LRCH4: variants seen among roughly 807,000 people sequenced by gnomAD.
LRCH4 encodes leucine-rich repeat and calponin homology domain-containing protein 4.
In LRCH4, 56 loss-of-function variants were observed where a neutral mutation model predicts 81.2. That is an observed-to-expected ratio of 0.69 (90% CI 0.56 to 0.86). The LOEUF is 0.86. LRCH4 is among the 40% of genes least tolerant of loss of function. The pLI, the probability that LRCH4 is intolerant of heterozygous loss-of-function variation, is 0.00. For synonymous variants in LRCH4, 442 were observed against 409.7 expected (o/e 1.08, Z -0.95); for missense variants, 895 against 922.8 (o/e 0.97, Z 0.39).
Position 100,576,342 on chromosome 7 carries a change from C to G in LRCH4, c.1553-19G>C. Reference sequence around the variant, plus strand: ...GAAGGGCCTAGGAGAAAAAGGGGGGCATGGGGCTGCCTCCACTGCTCACCA... The same window carrying G: ...GAAGGGCCTAGGAGAAAAAGGGGGGGATGGGGCTGCCTCCACTGCTCACCA... On this transcript the variant is annotated intron_variant, in intron 14 of 17. Coordinates refer to ENST00000310300, the MANE Select transcript of LRCH4 (RefSeq NM_002319.5). 2 of 1,588,132 alleles carry G rather than the reference C, an allele frequency of 1.3e-6. No homozygotes were observed. Among genetic ancestry groups the G allele is most frequent in the Middle Eastern group, 1.7e-4 (1 of 5,998 alleles).
intron 4 of LRCH4, 158 bp downstream of exon 4, chr7:100,581,619 T>C: frequency 1.6e-6 from 1 of 632,900 alleles, no homozygotes; most frequent in South Asian, 2.0e-5. Context: ...AAGCTGACCA[T>C]GGAAGCACCC....
intron 4 of LRCH4, chr7:100,580,346 C>CAG (rs1801490322): frequency 6.6e-6 from 1 of 151,752 alleles, no homozygotes; most frequent in East Asian, 1.9e-4. Flanking sequence ...GAGATGGCCC[C>CAG]AGATCTTAGT....
intron 4 of LRCH4, among the ~76,000 whole-genome samples, chr7:100,581,191 T>G (rs917543553): frequency 1.3e-5 from 2 of 152,218 alleles, no homozygotes; most frequent in Admixed American, 1.3e-4. Context: ...TCCCCTTCTG[T>G]GCCTGTGTCC....
rs760466759 is a variant in LRCH4 at position 100,577,318 on chromosome 7, C to T, written c.1250G>A (p.Arg417Gln). The T allele has an allele frequency of 9.4e-6, 15 of 1,597,300 alleles. No individual in the cohort carries two copies. Among genetic ancestry groups the T allele is most frequent in the Admixed American group, 5.0e-5 (3 of 59,566 alleles). ...TLQLWQERER[R>Q]QQQQSGAWGA... ...CCACGCCCCGCTCTGCTGCTGCTGC[C>T]GCCGTTCCCGCTCCTGCCACAGCTG... Residue 417 changes from arginine (R) to glutamine (Q), a missense_variant, in exon 11 of 18, where the codon CGG becomes CAG. Arg to Gln is a conservative substitution (Grantham distance 43). Transcript: ENST00000310300. This position sits in a 1 kb window ranked among gnomAD's most constrained non-coding sequence, Gnocchi z 6.7.
In LRCH4 at chr7:100,577,947, C is replaced by T. The variant is rs781233666; in HGVS notation, c.949-35G>A. ...CAGAGGCAGAGATGGGAGATGGCCT[C>T]TCTGTACATGGGGGCTCAGGACCTG... On this transcript the variant is annotated intron_variant, in intron 7 of 17. Transcript: ENST00000310300. This position sits in a 1 kb window ranked among gnomAD's most constrained non-coding sequence, Gnocchi z 6.7. The T allele has an allele frequency of 3.2e-6, 5 of 1,571,230 alleles. No homozygotes were observed. In the East Asian group the frequency reaches 9.0e-5, roughly 28 times the overall value.
At chr7:100,576,047 G>A (rs769484977) in intron 15 of LRCH4, 39 bp from the exon 16 acceptor site, 1 of 1,577,830 alleles carries the variant, frequency 6.3e-7, no homozygotes, top group Non-Finnish European at 8.6e-7. Context: ...GTCAGGGAAG[G>A]AGAGGCGTCT....
rs374940211 is a variant in LRCH4, at chr7:100,585,907, T to C, written c.194A>G (p.Tyr65Cys). The C allele has an allele frequency of 2.0e-5, 33 of 1,610,436 alleles. No homozygotes were observed. Among genetic ancestry groups the C allele is most frequent in the African/African-American group, 2.7e-5 (2 of 74,472 alleles). Residue 65 changes from tyrosine (Y) to cysteine (C), a missense_variant, in exon 1 of 18, where the codon TAC (tyrosine) becomes TGC (cysteine). This residue lies in a region of LRCH4 where 360 missense variants were observed against 397.0 expected (regional missense o/e 0.91). Transcript: ENST00000310300. ...KHFPRGAARS[Y>C]DLSDITQADL... ...AGCCTGGGTGATGTCTGACAGGTCG[T>C]AGCTACGGGCCGCGCCCCGGGGGAA...
rs765706462 is a variant in LRCH4 at position 100,575,544 on chromosome 7, G to A, written c.1854+161C>T. On this transcript the variant is annotated intron_variant, in intron 17 of 17. Coordinates refer to ENST00000310300, the MANE Select transcript of LRCH4 (RefSeq NM_002319.5). This position sits in a 1 kb window ranked among gnomAD's most constrained non-coding sequence, Gnocchi z 5.3. Reference sequence around the variant, plus strand: ...GGATGTGTAGGACAGGTGACATGCAGGGCAGGGGGCATGCAGGGCAGGGGG... The same window carrying A: ...GGATGTGTAGGACAGGTGACATGCAAGGCAGGGGGCATGCAGGGCAGGGGG... The A allele has an allele frequency of 1.1e-6, 1 of 943,124 alleles. No individual in the cohort carries two copies. Among genetic ancestry groups the A allele is most frequent in the Non-Finnish European group, 1.7e-6 (1 of 578,146 alleles). 58.4% of individuals were successfully genotyped at this position (943,124 alleles called of 1,614,324 possible). A position where few individuals can be genotyped will look rare whatever the true frequency, so the allele number is the denominator to read the frequency against.
chr7:100,577,960 G>T lies in LRCH4; in HGVS notation c.949-48C>A. The T allele has an allele frequency of 6.6e-7, 1 of 1,523,444 alleles. No individual in the cohort carries two copies. The highest frequency in any genetic ancestry group is 1.1e-5 in the South Asian group (1 of 88,456). The allele number at this position is 1,523,444 out of a possible 1,614,324, so 94.4% of individuals were successfully genotyped here. A position where few individuals can be genotyped will look rare whatever the true frequency, so the allele number is the denominator to read the frequency against. On this transcript the variant is annotated intron_variant, in intron 7 of 17. Coordinates refer to ENST00000310300, the MANE Select transcript of LRCH4 (RefSeq NM_002319.5). The surrounding 1 kb of genome is among the most constrained non-coding windows in gnomAD (Gnocchi z 6.7). ...GGGAGATGGCCTCTCTGTACATGGG[G>T]GCTCAGGACCTGGGGGGTCCTGTGT... is the stretch of plus-strand genomic sequence containing the variant.
Position 100,575,510 on chromosome 7 carries a change from C to T in LRCH4, c.1854+195G>A, listed in dbSNP as rs945607695. The T allele has an allele frequency of 2.3e-6, 2 of 855,350 alleles. No individual in the cohort carries two copies. The highest frequency in any genetic ancestry group is 3.9e-6 in the Non-Finnish European group (2 of 508,818). 53.0% of individuals were successfully genotyped at this position (855,350 alleles called of 1,614,324 possible). On this transcript the variant is annotated intron_variant, in intron 17 of 17. Coordinates refer to ENST00000310300, the MANE Select transcript of LRCH4 (RefSeq NM_002319.5). This position sits in a 1 kb window ranked among gnomAD's most constrained non-coding sequence, Gnocchi z 5.3. ...GACATGCAGGACAAGATGGGGCCTG[C>T]AGGGCAGGGGATGTGTAGGACAGGT...
chr7:100,575,815 G>A lies in LRCH4; in HGVS notation c.1777-33C>T. The A allele has an allele frequency of 6.2e-6, 10 of 1,608,656 alleles. No individual in the cohort carries two copies. Among genetic ancestry groups the A allele is most frequent in the Non-Finnish European group, 7.7e-6 (9 of 1,176,082 alleles). Reference sequence around the variant, plus strand: ...GGGTGAAAGAAGAAAATGTGGTAAGGGAGAGGCCACAGGCGCCCCGGCCCA... The same window carrying A: ...GGGTGAAAGAAGAAAATGTGGTAAGAGAGAGGCCACAGGCGCCCCGGCCCA... On this transcript the variant is annotated intron_variant, in intron 16 of 17. Coordinates refer to ENST00000310300, the MANE Select transcript of LRCH4 (RefSeq NM_002319.5). This position sits in a 1 kb window ranked among gnomAD's most constrained non-coding sequence, Gnocchi z 5.3.
Position 100,582,365 on chromosome 7 carries a change from GC to G in LRCH4, c.314del (p.Cys105SerfsTer2). ...GLSLYHNCLR[C>X]LNPALGNLTA... Reference sequence around the variant, plus strand: ...TGAGATTCCCCAAGGCTGGGTTCAGGCATCTCAGGCAATTGTGGTAGAGGCT... The same window carrying G: ...TGAGATTCCCCAAGGCTGGGTTCAGGATCTCAGGCAATTGTGGTAGAGGCT... On this transcript the variant is annotated frameshift_variant, in exon 2 of 18. Transcript: ENST00000310300. LOFTEE classifies it high-confidence loss of function. This position sits in a 1 kb window ranked among gnomAD's most constrained non-coding sequence, Gnocchi z 5.0. 6.2e-7 allele frequency: 1 copy of G among 1,614,110 alleles called. No individual in the cohort carries two copies. Among genetic ancestry groups the G allele is most frequent in the Non-Finnish European group, 8.5e-7 (1 of 1,180,030 alleles).
In LRCH4 at chr7:100,577,834, C is replaced by G. The variant is rs376109684; in HGVS notation, c.1027G>C (p.Glu343Gln). 36 of 1,612,954 alleles carry G rather than the reference C, an allele frequency of 2.2e-5. No homozygotes were observed. The highest frequency in any genetic ancestry group is 3.0e-5 in the Non-Finnish European group (35 of 1,179,140). ...REPRGPRERK[E>Q]DGSADGDPVQ... ...CCCTGCTACTCACCTGAGCCATCCT[C>G]CTTGCGTTCTCTGGGTCCCCGGGGC... The change falls in exon 8 of 18, where the codon GAG (glutamate) becomes CAG (glutamine). Residue 343 changes from glutamate to glutamine, a missense_variant. By Grantham distance (29) the Glu-to-Gln change is conservative. Coordinates refer to ENST00000310300, the MANE Select transcript of LRCH4 (RefSeq NM_002319.5). This position sits in a 1 kb window ranked among gnomAD's most constrained non-coding sequence, Gnocchi z 6.7.
Position 100,581,776 on chromosome 7 carries a change from C to A in LRCH4, c.598+1G>T. On this transcript the variant is annotated splice_donor_variant, in intron 4 of 17. Coordinates refer to ENST00000310300, the MANE Select transcript of LRCH4 (RefSeq NM_002319.5). LOFTEE classifies it high-confidence loss of function. The stretch of plus-strand genomic sequence containing the variant: ...CCTCTCCAGTTCTTCATTCTTCTCA[C>A]CTTCGGGCAGCGTACTGAGCTGGTT... 3 of 1,614,094 alleles carry A rather than the reference C, an allele frequency of 1.9e-6. No homozygotes were observed. The highest frequency in any genetic ancestry group is 2.5e-6 in the Non-Finnish European group (3 of 1,179,924).
At position 100,575,261 on chromosome 7, in the gene LRCH4, C is replaced by G. The variant is rs996091876; in HGVS notation, c.1898G>C (p.Arg633Pro). The change falls in exon 18 of 18, where the codon CGG becomes CCG. Residue 633 changes from arginine to proline, a missense_variant. Physicochemically the swap from Arg to Pro is moderately radical, Grantham distance 103 (BLOSUM62 -2). Around this residue, in one of 3 missense-constraint regions of LRCH4, gnomAD observed 529 missense variants for 504.9 expected, o/e 1.05. Coordinates refer to ENST00000310300, the MANE Select transcript of LRCH4 (RefSeq NM_002319.5). This position sits in a 1 kb window ranked among gnomAD's most constrained non-coding sequence, Gnocchi z 5.3. The part of the protein sequence containing the change: ...SPSDLLQGTA[R>P]GLRTALEAVK... Reference sequence around the variant, plus strand: ...GGCCTCCAGCGCGGTCCGCAGCCCCCGGGCAGTGCCCTGGAGGAGATCCGA... The same window carrying G: ...GGCCTCCAGCGCGGTCCGCAGCCCCGGGGCAGTGCCCTGGAGGAGATCCGA... 9.5e-6 allele frequency: 15 copies of G among 1,579,202 alleles called. No individual in the cohort carries two copies. In the South Asian group the frequency reaches 1.3e-4, roughly 13 times the overall value.
At chr7:100,580,420 A>T (rs1340417981) in intron 4 of LRCH4, 2 of 150,870 alleles carry the variant, frequency 1.3e-5, no homozygotes, top group Non-Finnish European at 1.5e-5. Flanking sequence ...ACACACACAC[A>T]CACACACACA....
rs996091876 is a variant in LRCH4, at chr7:100,575,261, C to T, written c.1898G>A (p.Arg633Gln). The T allele has an allele frequency of 3.3e-5, 52 of 1,579,084 alleles. No homozygotes were observed. Among genetic ancestry groups the T allele is most frequent in the African/African-American group, 5.4e-5 (4 of 74,338 alleles). Reference sequence around the variant, plus strand: ...GGCCTCCAGCGCGGTCCGCAGCCCCCGGGCAGTGCCCTGGAGGAGATCCGA... The same window carrying T: ...GGCCTCCAGCGCGGTCCGCAGCCCCTGGGCAGTGCCCTGGAGGAGATCCGA... ...SPSDLLQGTA[R>Q]GLRTALEAVK... Residue 633 changes from arginine to glutamine, a missense_variant, in exon 18 of 18, where the codon CGG becomes CAG. Coordinates refer to ENST00000310300, the MANE Select transcript of LRCH4 (RefSeq NM_002319.5). The surrounding 1 kb of genome is among the most constrained non-coding windows in gnomAD (Gnocchi z 5.3).
intron 4 of LRCH4, 28 bp downstream of exon 4, chr7:100,581,749 C>G: frequency 1.2e-6 from 2 of 1,605,748 alleles, no homozygotes. Flanking sequence ...ATACAAACAC[C>G]TCCTCTCCAG....
At chr7:100,579,472 C>T (rs1801467231) in intron 4 of LRCH4, 1 of 152,092 alleles carries the variant, frequency 6.6e-6, no homozygotes. Context: ...TGGCGGACGC[C>T]TGTGGTCCCA....
Sources: allele counts gnomAD v4.1 joint callset (sites outside exome capture counted in the v4.1 genomes callset), GRCh38; gene constraint gnomAD v4.1.1; regional missense constraint gnomAD v4.1.1; non-coding constraint Gnocchi (gnomAD v3.1); transcripts MANE v1.5; gene names NCBI Gene and HGNC (gene_info 2026-07-23, HGNC 2026-07-21).